The following SYNPR variants were observed in gnomAD, a reference collection of about 807,000 sequenced individuals.
SYNPR encodes synaptoporin.
A neutral mutation model predicts 32.9 loss-of-function variants in SYNPR; 23 were observed. The observed-to-expected ratio is 0.70, with a 90% CI of 0.50 to 0.99. SYNPR has a LOEUF of 0.99. SYNPR is among the 50% of genes least tolerant of loss of function. The pLI, the probability that SYNPR is intolerant of heterozygous loss-of-function variation, is 0.00. For synonymous variants in SYNPR, 146 were observed against 135.9 expected (o/e 1.07, Z -0.52); for missense variants, 318 against 349.3 (o/e 0.91, Z 0.71).
upstream of SYNPR, among the ~76,000 whole-genome samples, chr3:63,276,068 G>A (rs2086572130): frequency 6.6e-6 from 1 of 152,178 alleles, no homozygotes; most frequent in Non-Finnish European, 1.5e-5. Context: ...AGGTCTGGTT[G>A]CAGATCTGCC....
At chr3:63,232,851 G>C (rs1188722428) in intron 1 of SYNPR, among the ~76,000 whole-genome samples, 1 of 152,076 alleles carries the variant, frequency 6.6e-6, no homozygotes, top group Non-Finnish European at 1.5e-5. Flanking sequence ...ACAAAGATGC[G>C]GAAGAGTTTT....
intron 2 of SYNPR, among the ~76,000 whole-genome samples, chr3:63,283,593 T>A (rs1182805497): frequency 6.6e-6 from 1 of 151,676 alleles, no homozygotes; most frequent in Non-Finnish European, 1.5e-5. Flanking sequence ...GAAAACTAAG[T>A]TGGCATAGTC....
intron 3 of SYNPR, among the ~76,000 whole-genome samples, chr3:63,484,251 T>C (rs2106703220): frequency 6.6e-6 from 1 of 152,298 alleles, no homozygotes. Context: ...TTCCTTATTA[T>C]TTGTGATTAC....
At chr3:63,599,411 CT>C (rs749268855) in intron 4 of SYNPR, among the ~76,000 whole-genome samples, 2 of 152,002 alleles carry the variant, frequency 1.3e-5, no homozygotes, top group Non-Finnish European at 1.5e-5. Flanking sequence ...TTTACTGTAC[CT>C]TTTTTATGTG....
At position 63,265,413 on chromosome 3, in the gene SYNPR, A is replaced by T. The variant is rs139612191; in HGVS notation, n.155-1904A>T. Among the ~76,000 whole-genome samples the T allele has an allele frequency of 7.9e-5, 12 of 151,904 alleles. 1 individual carries two copies. Among genetic ancestry groups the T allele is most frequent in the African/African-American group, 2.9e-4 (12 of 41,438 alleles). On this transcript the variant is annotated intron_variant and non_coding_transcript_variant, in intron 2 of 4. Coordinates refer to the SYNPR transcript ENST00000478456. ...ATTACAGGCAACTGCCACCATGCCT[A>T]GCTAATTTTTGTATTTTTAGTAGAG...
At chr3:63,581,314 G>T (rs1703087847) in intron 4 of SYNPR, among the ~76,000 whole-genome samples, 1 of 134,596 alleles carries the variant, frequency 7.4e-6, no homozygotes. Context: ...GAGGGAGGTT[G>T]TATGTTGGGG....
At chr3:63,452,146 T>C (rs754852693) in intron 2 of SYNPR, 12 of 701,514 alleles carry the variant, frequency 1.7e-5, no homozygotes, top group Non-Finnish European at 2.9e-5. Context: ...GCTCACTCAT[T>C]CATTTGTTCG....
At chr3:63,362,225 T>C (rs1020367645) in intron 2 of SYNPR, among the ~76,000 whole-genome samples, 1 of 152,216 alleles carries the variant, frequency 6.6e-6, no homozygotes, top group Non-Finnish European at 1.5e-5. Context: ...GTGATGGACA[T>C]ACAACATGAG....
chr3:63,562,813 G>A (rs1305752830), intron 4 of SYNPR, among the ~76,000 whole-genome samples: 1 of 152,198 alleles, frequency 6.6e-6, no homozygotes, highest in Non-Finnish European at 1.5e-5. Flanking sequence ...CTTCAGGGTA[G>A]TGGCTAATTT....
At chr3:63,598,129 T>C (rs1196845252) in intron 4 of SYNPR, among the ~76,000 whole-genome samples, 2 of 152,102 alleles carry the variant, frequency 1.3e-5, no homozygotes, top group African/African-American at 4.8e-5. Flanking sequence ...AAACAGACAA[T>C]AAAGTCATTG....
At chr3:63,565,953 C>T (rs1027935761) in intron 4 of SYNPR, among the ~76,000 whole-genome samples, 1 of 152,136 alleles carries the variant, frequency 6.6e-6, no homozygotes, top group Non-Finnish European at 1.5e-5. Flanking sequence ...CACACAAACA[C>T]ACTCTTCAGC....
At chr3:63,401,543 G>T (rs71298650) in intron 2 of SYNPR, among the ~76,000 whole-genome samples, 3 of 152,148 alleles carry the variant, frequency 2.0e-5, no homozygotes, top group Non-Finnish European at 4.4e-5. Context: ...ACACAGAAAA[G>T]CTTCGTTATC....
At chr3:63,435,516 G>A (rs939830133) in intron 2 of SYNPR, among the ~76,000 whole-genome samples, 5 of 152,212 alleles carry the variant, frequency 3.3e-5, no homozygotes, top group Non-Finnish European at 7.3e-5. Flanking sequence ...AGAAACCTGG[G>A]ATACAGAGAA....
At chr3:63,503,702 A>T (rs1039221936) in intron 3 of SYNPR, among the ~76,000 whole-genome samples, 2 of 152,058 alleles carry the variant, frequency 1.3e-5, no homozygotes, top group Admixed American at 6.6e-5. Context: ...CTAACAAAAC[A>T]TTTAAGGGTT....
At chr3:63,401,507 A>G (rs1016401251) in intron 2 of SYNPR, among the ~76,000 whole-genome samples, 4 of 152,162 alleles carry the variant, frequency 2.6e-5, no homozygotes, top group African/African-American at 9.7e-5. Context: ...GTTCCTAAGG[A>G]CAAAGAATGA....
chr3:63,237,557 G>A (rs932991578), intron 1 of SYNPR, among the ~76,000 whole-genome samples: 1 of 151,664 alleles, frequency 6.6e-6, no homozygotes, highest in Non-Finnish European at 1.5e-5. Context: ...GCATCGGCTG[G>A]TTGTCTTCTC....
Position 63,595,835 on chromosome 3 carries a change from ATATATATAG to A in SYNPR, c.409-13288_409-13280del, listed in dbSNP as rs1346225474. Among the ~76,000 whole-genome samples, 59 of 73,104 alleles carry A rather than the reference ATATATATAG, an allele frequency of 8.1e-4. 7 individuals are homozygous for A. Among genetic ancestry groups the A allele is most frequent in the African/African-American group, 3.2e-3 (58 of 17,920 alleles). 48.0% of individuals were successfully genotyped at this position (73,104 alleles called of 152,430 possible). A position where few individuals can be genotyped will look rare whatever the true frequency, so the allele number is the denominator to read the frequency against. ...TATATAGTTTTATATATATATAGTT[ATATATATAG>A]TTTTATATATATATAGTTATATATA... On this transcript the variant is annotated intron_variant, in intron 4 of 5. Transcript: ENST00000478300.
chr3:63,293,149 A>G (rs1188773159), intron 2 of SYNPR, among the ~76,000 whole-genome samples: 1 of 152,196 alleles, frequency 6.6e-6, no homozygotes, highest in Non-Finnish European at 1.5e-5. Context: ...TGCTACCTAC[A>G]TTACATACTT....
intron 2 of SYNPR, among the ~76,000 whole-genome samples, chr3:63,409,350 CTGAG>C (rs2088431198): frequency 6.6e-6 from 1 of 152,070 alleles, no homozygotes; most frequent in African/African-American, 2.4e-5. Flanking sequence ...AGTGATGCCT[CTGAG>C]TGATAGGAGG....
Sources: allele counts gnomAD v4.1 joint callset (sites outside exome capture counted in the v4.1 genomes callset), GRCh38; gene constraint gnomAD v4.1.1; transcripts MANE v1.5; gene names NCBI Gene and HGNC (gene_info 2026-07-23, HGNC 2026-07-21).